Variants in PAK3 observed in about 807,000 individuals in gnomAD.
The protein encoded by PAK3 is serine/threonine-protein kinase PAK 3.
Under a neutral mutation model 41.0 loss-of-function variants are expected in PAK3, and 4 were observed. That is an observed-to-expected ratio of 0.10 (90% CI 0.05 to 0.22). The LOEUF is 0.22. Among genes scored for constraint, PAK3 ranks in the 10% least tolerant of loss-of-function variants. The pLI is 1.00. For missense variants in PAK3, 205 were observed against 409.9 expected (o/e 0.50, Z 4.32); for synonymous variants, 146 against 139.6 (o/e 1.05, Z -0.32).
At chrX:110,976,759 A>C (rs1474631457) in intron 1 of PAK3, among the ~76,000 whole-genome samples, 6 of 111,845 alleles carry the variant, frequency 5.4e-5, no homozygotes, top group East Asian at 5.6e-4. Context: ...CACATATACA[A>C]CATGGAATAC....
intron 1 of PAK3, among the ~76,000 whole-genome samples, chrX:110,957,203 C>A (rs187056631): frequency 1.1e-4 from 12 of 112,170 alleles, no homozygotes. Context: ...CTTATTATGT[C>A]CTAGTTGCTG....
chrX:111,117,420 T>C (rs2093484939), intron 4 of PAK3, among the ~76,000 whole-genome samples: 1 of 111,422 alleles, frequency 9.0e-6, no homozygotes, highest in Non-Finnish European at 1.9e-5. Context: ...AAATTCCTCA[T>C]GTAAGAAATG....
intron 1 of PAK3, among the ~76,000 whole-genome samples, chrX:110,946,026 C>G (rs915386819): frequency 8.1e-5 from 9 of 111,213 alleles, no homozygotes; most frequent in African/African-American, 2.9e-4. Context: ...ATCTGGTAGG[C>G]AAGATAGAGC....
intron 1 of PAK3, among the ~76,000 whole-genome samples, chrX:111,025,319 A>C (rs1019276267): frequency 9.0e-6 from 1 of 111,462 alleles, no homozygotes; most frequent in East Asian, 2.8e-4. Context: ...TGAAATTGAA[A>C]CAAAAAAATA....
At chrX:111,083,107 TGTTTGAAACGCAAAAGGTAA>T (rs2148842751) in intron 1 of PAK3, among the ~76,000 whole-genome samples, 1 of 112,733 alleles carries the variant, frequency 8.9e-6, no homozygotes, top group East Asian at 2.8e-4. Flanking sequence ...AACAGTTTTT[TGTTTGAAACGCAAAAGGTAA>T]GTTTATTCCA....
intron 11 of PAK3, among the ~76,000 whole-genome samples, chrX:111,176,356 T>G (rs2094404469): frequency 9.2e-6 from 1 of 109,251 alleles, no homozygotes; most frequent in African/African-American, 3.3e-5. Context: ...GCGAAGGGAG[T>G]GAGAGCATTA....
intron 1 of PAK3, among the ~76,000 whole-genome samples, chrX:110,999,675 T>TAA (rs777940539): frequency 0.024 from 1,631 of 68,120 alleles, 58 homozygotes; most frequent in African/African-American, 0.076. Context: ...TTTATAAAAG[T>TAA]AAAAAAAAAA....
intron 16 of PAK3, among the ~76,000 whole-genome samples, chrX:111,201,233 TG>T (rs1194363156): frequency 8.9e-6 from 1 of 112,460 alleles, no homozygotes; most frequent in African/African-American, 3.2e-5. Flanking sequence ...AGTACTTTTT[TG>T]GTTTCGATTT....
At chrX:111,011,149 G>A (rs191162363) in intron 1 of PAK3, among the ~76,000 whole-genome samples, 76 of 111,599 alleles carry the variant, frequency 6.8e-4, no homozygotes, top group African/African-American at 2.2e-3. Context: ...GGGTGGTTAG[G>A]TAGGATGCCA....
At chrX:110,946,966 C>G (rs1198336032) in intron 1 of PAK3, among the ~76,000 whole-genome samples, 2 of 112,123 alleles carry the variant, frequency 1.8e-5, no homozygotes, top group South Asian at 3.7e-4. Flanking sequence ...AATAACTGCT[C>G]TAATGCTCGT....
At chrX:111,048,821 T>C (rs2092527187) in intron 1 of PAK3, among the ~76,000 whole-genome samples, 1 of 112,674 alleles carries the variant, frequency 8.9e-6, no homozygotes, top group South Asian at 3.7e-4. Context: ...TGCTCTTCTA[T>C]ATTTTTACTA....
At chrX:111,127,236 T>C (rs1384349226) in intron 5 of PAK3, among the ~76,000 whole-genome samples, 4 of 111,923 alleles carry the variant, frequency 3.6e-5, no homozygotes, top group African/African-American at 1.3e-4. Context: ...CATCATGGTT[T>C]AGTTAACCAT....
intron 1 of PAK3, among the ~76,000 whole-genome samples, chrX:110,971,524 C>A (rs1241817757): frequency 1.8e-5 from 2 of 111,722 alleles, no homozygotes; most frequent in African/African-American, 6.5e-5. Flanking sequence ...TGTTGGCTGC[C>A]ATAATGTCTT....
At chrX:111,205,927 A>G (rs751195919) in intron 16 of PAK3, among the ~76,000 whole-genome samples, 3 of 111,676 alleles carry the variant, frequency 2.7e-5, no homozygotes, top group Non-Finnish European at 3.8e-5. Flanking sequence ...AACATGAACA[A>G]ATGTATAATA....
At chrX:110,999,368 G>A (rs2091804849) in intron 1 of PAK3, among the ~76,000 whole-genome samples, 1 of 112,037 alleles carries the variant, frequency 8.9e-6, no homozygotes, top group African/African-American at 3.2e-5. Flanking sequence ...AAGGTGATGG[G>A]TTGGCCCAGT....
At chrX:110,995,168 TA>T (rs960573239) in intron 1 of PAK3, among the ~76,000 whole-genome samples, 3 of 111,171 alleles carry the variant, frequency 2.7e-5, no homozygotes, top group Non-Finnish European at 3.8e-5. Context: ...CTAGAAAGCA[TA>T]AAAAAACCAG....
chrX:111,090,353 T>G (rs1321343112), intron 1 of PAK3, among the ~76,000 whole-genome samples: 2 of 111,810 alleles, frequency 1.8e-5, no homozygotes, highest in Non-Finnish European at 3.8e-5. Context: ...CTGTTCCTCA[T>G]GTCTCTGGAT....
At chrX:111,185,100 C>A (rs750252192) in intron 11 of PAK3, among the ~76,000 whole-genome samples, 1 of 111,925 alleles carries the variant, frequency 8.9e-6, no homozygotes, top group Admixed American at 9.5e-5. Flanking sequence ...TTCTAACTGG[C>A]GTGAGATGGT....
chrX:110,967,676 C>A lies in PAK3; in HGVS notation c.-28+23048C>A, dbSNP rs762312217. On this transcript the variant is annotated intron_variant, in intron 1 of 14. Transcript: ENST00000425146. ...CAATGTCAAGACACTACGGGCCAAG[C>A]AAAATATATCTGTGAGCCACACATT... Among the ~76,000 whole-genome samples, 239 of 111,896 alleles carry A rather than the reference C, an allele frequency of 2.1e-3. 2 individuals are homozygous for A. The highest frequency in any genetic ancestry group is 3.9e-3 in the Non-Finnish European group (206 of 53,157).
Sources: allele counts gnomAD v4.1 joint callset (sites outside exome capture counted in the v4.1 genomes callset), GRCh38; gene constraint gnomAD v4.1.1; transcripts MANE v1.5; gene names NCBI Gene and HGNC (gene_info 2026-07-23, HGNC 2026-07-21).